CCNA1: variants seen among roughly 807,000 people sequenced by gnomAD.
CCNA1 encodes the protein cyclin-A1.
In CCNA1, 23 loss-of-function variants were observed where a neutral mutation model predicts 54.1. The ratio of observed to expected loss-of-function variants is 0.42; its 90% CI spans 0.31 to 0.60. CCNA1 has a LOEUF of 0.60. CCNA1 is among the 20% of genes least tolerant of loss of function. The pLI is 0.14. For missense variants in CCNA1, 450 were observed against 556.7 expected, an observed-to-expected ratio of 0.81 and a Z score of 1.93; for synonymous variants, 208 against 213.9, an observed-to-expected ratio of 0.97 and a Z score of 0.24.
intron 5 of CCNA1, among the ~76,000 whole-genome samples, chr13:36,439,275 C>T (rs2055846922): frequency 1.3e-5 from 2 of 152,172 alleles, no homozygotes; most frequent in Non-Finnish European, 1.5e-5. Context: ...GAATAAACTA[C>T]TTCAACTGGT....
Position 36,434,826 on chromosome 13 carries a change from G to GCCC in CCNA1, c.297+1614_297+1616dup, listed in dbSNP as rs368520828. 1.9e-3 allele frequency among the ~76,000 whole-genome samples: 212 copies of GCCC among 110,872 alleles called. 9 individuals carry two copies. Among genetic ancestry groups the GCCC allele is most frequent in the African/African-American group, 6.2e-3 (186 of 30,138 alleles). The allele number at this position is 110,872 out of a possible 152,430, so 72.7% of individuals were successfully genotyped here. The stretch of plus-strand genomic sequence containing the variant: ...CTATGTCCCTGCTGTCATGAGAGGT[G>GCCC]CCCCCCCCCCCGCGCCATGCGTACA... On this transcript the variant is annotated intron_variant, in intron 2 of 8. Coordinates refer to ENST00000255465, the MANE Select transcript of CCNA1 (RefSeq NM_003914.4).
upstream of CCNA1, chr13:36,432,164 C>G (rs908951480): frequency 1.9e-5 from 3 of 158,240 alleles, no homozygotes; most frequent in Non-Finnish European, 2.8e-5. Context: ...CGGAGCGAGT[C>G]AGGTGAGCAG....
intron 6 of CCNA1, 38 bp from the exon 7 acceptor site, chr13:36,441,080 A>G: frequency 1.8e-6 from 2 of 1,140,598 alleles, no homozygotes; most frequent in South Asian, 2.7e-5. Context: ...CCTTAGTCAC[A>G]TTTCTAATTC....
chr13:36,434,081 A>C (rs2137812229), intron 2 of CCNA1, among the ~76,000 whole-genome samples: 1 of 152,278 alleles, frequency 6.6e-6, no homozygotes, highest in African/African-American at 2.4e-5. Flanking sequence ...CCTAAAGCAA[A>C]CCTGGATAAT....
rs1192647178 is a variant in CCNA1, at chr13:36,439,983, T to C, written c.898T>C (p.Tyr300His). ...TGAAAACTCTTCCTTTCCCAGGAAATATGAAGAGATATATCCTCCTGAAGT... is the reference window on the plus strand; with the variant it reads ...TGAAAACTCTTCCTTTCCCAGGAAACATGAAGAGATATATCCTCCTGAAGT... The change falls in exon 6 of 9, where the codon TAT becomes CAT. Residue 300 changes from tyrosine to histidine, a missense_variant. Transcript: ENST00000255465. The C allele has an allele frequency of 1.9e-6, 3 of 1,605,416 alleles. No individual in the cohort carries two copies. In the Admixed American group the frequency reaches 5.0e-5, roughly 27 times the overall value.
At chr13:36,433,309 T>G in intron 2 of CCNA1, 88 bp downstream of exon 2, 1 of 908,082 alleles carries the variant, frequency 1.1e-6, no homozygotes, top group Non-Finnish European at 1.6e-6. Context: ...CCCTTGTACC[T>G]ACAACTCCCC....
chr13:36,442,394 G>T, intron 8 of CCNA1, 90 bp downstream of exon 8: 1 of 1,398,144 alleles, frequency 7.2e-7, no homozygotes, highest in African/African-American at 1.4e-5. Flanking sequence ...AGATTAAATT[G>T]TGTATCTGGT....
At chr13:36,432,754 T>A in intron 1 of CCNA1, 25 bp downstream of exon 1, 1 of 1,418,118 alleles carries the variant, frequency 7.1e-7, no homozygotes, top group Non-Finnish European at 9.9e-7. Flanking sequence ...GTATCCCGAC[T>A]TGGAGGCTTG....
At chr13:36,435,250 T>G (rs1350032684) in intron 2 of CCNA1, among the ~76,000 whole-genome samples, 4 of 152,238 alleles carry the variant, frequency 2.6e-5, no homozygotes, top group African/African-American at 9.6e-5. Flanking sequence ...GTTTGTCGTA[T>G]CTTGACATAT....
In CCNA1 at chr13:36,433,645, AT is replaced by A. The variant is rs202103109; in HGVS notation, c.297+426del. On this transcript the variant is annotated intron_variant, in intron 2 of 8. Coordinates refer to ENST00000255465, the MANE Select transcript of CCNA1 (RefSeq NM_003914.4). ...AACCTCCACCTCCCGGGTTCAAGCG[AT>A]TCTCCTGCCTCAGCCTCCCGAGTAG... Among the ~76,000 whole-genome samples, 848 of 148,050 alleles carry A rather than the reference AT, an allele frequency of 5.7e-3. 9 individuals carry two copies. The highest frequency in any genetic ancestry group is 0.021 in the African/African-American group (820 of 39,942).
chr13:36,435,712 G>A (rs1432433343), intron 2 of CCNA1, among the ~76,000 whole-genome samples: 3 of 152,098 alleles, frequency 2.0e-5, no homozygotes, highest in African/African-American at 7.2e-5. Flanking sequence ...CTCTCTATTT[G>A]GTGATGACTG....
At position 36,440,085 on chromosome 13, in the gene CCNA1, G is replaced by C; in HGVS notation, c.1000G>C (p.Val334Leu). ...AAAAATGGAACACTTGCTTCTGAAA[G>C]TTCTAGCTTTTGATCTGACAGTACC... The change falls in exon 6 of 9, where the codon GTT (valine) becomes CTT (leucine). Residue 334 changes from valine to leucine, a missense_variant. Physicochemically the swap from Val to Leu is conservative, Grantham distance 32. This residue lies in a region of CCNA1 where 150 missense variants were observed against 219.7 expected (regional missense o/e 0.68). Coordinates refer to ENST00000255465, the MANE Select transcript of CCNA1 (RefSeq NM_003914.4). 1 of 1,614,052 alleles carries C rather than the reference G, an allele frequency of 6.2e-7. No individual in the cohort carries two copies. The highest frequency in any genetic ancestry group is 8.5e-7 in the Non-Finnish European group (1 of 1,179,928).
chr13:36,439,853 T>C, intron 5 of CCNA1, 126 bp from the exon 6 acceptor site: 2 of 630,068 alleles, frequency 3.2e-6, no homozygotes, highest in South Asian at 1.9e-5. Flanking sequence ...CATTTAGTGG[T>C]ATTTAAGTGG....
chr13:36,436,823 T>C (rs556669776), intron 2 of CCNA1, among the ~76,000 whole-genome samples: 15 of 152,300 alleles, frequency 9.8e-5, no homozygotes, highest in African/African-American at 2.9e-4. Context: ...CAAGATACAT[T>C]ATAAACAAAA....
At chr13:36,431,791 C>G (rs936853168), upstream of CCNA1, 5 of 152,478 alleles carry the variant, frequency 3.3e-5, no homozygotes, top group Non-Finnish European at 5.9e-5. Context: ...GTGAGCCGAC[C>G]CGGAGCGAGC....
At chr13:36,441,025 A>G in intron 6 of CCNA1, 93 bp from the exon 7 acceptor site, 1 of 647,286 alleles carries the variant, frequency 1.5e-6, no homozygotes, top group Admixed American at 2.6e-5. Context: ...CTGAACAAAG[A>G]TAAGATACCA....
rs753848729 is a variant in CCNA1 at position 36,442,856 on chromosome 13, C to G, written c.*191C>G. On this transcript the variant is annotated 3_prime_UTR_variant, in exon 9 of 9. Coordinates refer to ENST00000255465, the MANE Select transcript of CCNA1 (RefSeq NM_003914.4). ...AGTCCAACATTTTTTAAACAATAAA[C>G]TGCTTGTCTTATGACCATGTGTTAG... 6.8e-6 allele frequency: 4 copies of G among 584,472 alleles called. No individual in the cohort carries two copies. The highest frequency in any genetic ancestry group is 1.2e-5 in the Non-Finnish European group (4 of 329,990). The allele number at this position is 584,472 out of a possible 1,614,324, so 36.2% of individuals were successfully genotyped here. A position where few individuals can be genotyped will look rare whatever the true frequency, so the allele number is the denominator to read the frequency against.
intron 2 of CCNA1, among the ~76,000 whole-genome samples, 182 bp downstream of exon 2, chr13:36,433,403 T>G (rs545870457): frequency 1.8e-5 from 2 of 110,080 alleles, no homozygotes; most frequent in African/African-American, 7.3e-5. Flanking sequence ...TCTTTCTTTC[T>G]TTCTTTCTTT....
chr13:36,440,629 A>T (rs527771204), intron 6 of CCNA1, among the ~76,000 whole-genome samples: 1 of 152,314 alleles, frequency 6.6e-6, no homozygotes, highest in South Asian at 2.1e-4. Context: ...GTTTCCAGTG[A>T]CCATAATCTA....
Sources: gnomAD v4.1 joint callset for allele counts (sites outside exome capture counted in the v4.1 genomes callset) on GRCh38, gnomAD v4.1.1 for gene constraint, gnomAD v4.1.1 regional missense constraint, MANE v1.5 for transcripts, NCBI Gene and HGNC (gene_info 2026-07-23, HGNC 2026-07-21) for gene names.